GUCY1A2: variants seen among roughly 807,000 people sequenced by gnomAD.
GUCY1A2 encodes guanylate cyclase 1 soluble subunit alpha 2, also known as guanylate cyclase soluble subunit alpha-2.
A neutral mutation model predicts 63.5 loss-of-function variants in GUCY1A2; 27 were observed. The observed-to-expected ratio is 0.43, with a 90% CI of 0.31 to 0.59. GUCY1A2 has a LOEUF of 0.59. GUCY1A2 is among the 20% of genes least tolerant of loss of function. The probability of loss-of-function intolerance (pLI) is 0.11; values close to 1 mark genes in which losing one functional copy is unlikely to be tolerated. For missense variants in GUCY1A2, 768 were observed against 913.3 expected, an observed-to-expected ratio of 0.84 and a Z score of 2.05; for synonymous variants, 364 against 343.5, an observed-to-expected ratio of 1.06 and a Z score of -0.66.
At chr11:106,775,201 G>A (rs1255070419) in intron 6 of GUCY1A2, among the ~76,000 whole-genome samples, 1 of 152,054 alleles carries the variant, frequency 6.6e-6, no homozygotes, top group Non-Finnish European at 1.5e-5. Context: ...AAGTCAGGAA[G>A]AATTTTTTGT....
chr11:106,796,263 T>C (rs1435934656), intron 5 of GUCY1A2, among the ~76,000 whole-genome samples: 1 of 152,186 alleles, frequency 6.6e-6, no homozygotes, highest in East Asian at 1.9e-4. Flanking sequence ...CTTTATCCAA[T>C]TTGCCAGTCT....
At chr11:106,875,074 A>C (rs921596944) in intron 4 of GUCY1A2, among the ~76,000 whole-genome samples, 1 of 152,172 alleles carries the variant, frequency 6.6e-6, no homozygotes, top group African/African-American at 2.4e-5. Context: ...AAAAATATGA[A>C]AAGATTTATC....
At chr11:106,815,275 G>A (rs1858815981) in intron 4 of GUCY1A2, among the ~76,000 whole-genome samples, 1 of 151,900 alleles carries the variant, frequency 6.6e-6, no homozygotes, top group African/African-American at 2.4e-5. Flanking sequence ...AAGTTTTAGG[G>A]ATCTTTAGGA....
intron 7 of GUCY1A2, among the ~76,000 whole-genome samples, chr11:106,703,850 T>C (rs1420038065): frequency 6.6e-6 from 1 of 151,972 alleles, no homozygotes; most frequent in Non-Finnish European, 1.5e-5. Context: ...GATTACTTAG[T>C]AATCATATGT....
At chr11:106,765,826 T>C (rs1201338493) in intron 6 of GUCY1A2, among the ~76,000 whole-genome samples, 1 of 152,180 alleles carries the variant, frequency 6.6e-6, no homozygotes, top group Non-Finnish European at 1.5e-5. Flanking sequence ...GAGTCTGAAT[T>C]AATGAGGTTT....
rs368807075 is a variant in GUCY1A2, at chr11:106,841,058, C to A, written c.1207-30580G>T. Among the ~76,000 whole-genome samples, 14 of 151,990 alleles carry A rather than the reference C, an allele frequency of 9.2e-5. 1 individual carries two copies. The South Asian group carries it at 2.9e-3, about 31-fold the overall frequency. ...TGCTGTAGGATAAAGGACAATACCA[C>A]ACTCCCTTTACTTTCTGCTCCAGTT... On this transcript the variant is annotated intron_variant, in intron 4 of 7. Transcript: ENST00000526355.
intron 4 of GUCY1A2, among the ~76,000 whole-genome samples, chr11:106,899,965 A>C (rs1461496390): frequency 6.6e-6 from 1 of 151,892 alleles, no homozygotes. Flanking sequence ...AGGCGCCTGC[A>C]GTCCCAGCTA....
intron 5 of GUCY1A2, among the ~76,000 whole-genome samples, chr11:106,781,284 G>A (rs1864458790): frequency 1.3e-5 from 2 of 152,044 alleles, no homozygotes; most frequent in East Asian, 3.9e-4. Context: ...CACTGGGTAA[G>A]AATAAAGATG....
intron 4 of GUCY1A2, among the ~76,000 whole-genome samples, chr11:106,887,586 G>T (rs1433871449): frequency 6.6e-6 from 1 of 152,160 alleles, no homozygotes; most frequent in Admixed American, 6.5e-5. Context: ...AGCCACCAAA[G>T]CCCTGCTGAG....
chr11:106,938,204 A>G (rs1336477042), intron 4 of GUCY1A2, among the ~76,000 whole-genome samples: 1 of 152,120 alleles, frequency 6.6e-6, no homozygotes, highest in Non-Finnish European at 1.5e-5. Flanking sequence ...TCGGCCTCCC[A>G]AAGTGTTGGG....
At position 106,838,247 on chromosome 11, in the gene GUCY1A2, C is replaced by T. The variant is rs544913377; in HGVS notation, c.1207-27769G>A. Among the ~76,000 whole-genome samples, 3 of 152,066 alleles carry T rather than the reference C, an allele frequency of 2.0e-5. No homozygotes were observed. In the South Asian group the frequency reaches 6.2e-4, roughly 31 times the overall value. ...GTAGTATGTCTCCGTGCCTTACCCC[C>T]TTTCTAAACTGAAAGCTTTTTCAAA... On this transcript the variant is annotated intron_variant, in intron 4 of 7. Transcript: ENST00000526355.
intron 4 of GUCY1A2, among the ~76,000 whole-genome samples, chr11:106,852,356 G>C (rs1045119069): frequency 6.6e-6 from 1 of 152,006 alleles, no homozygotes; most frequent in Non-Finnish European, 1.5e-5. Flanking sequence ...TGTTGAATAA[G>C]AGTGGTGAAA....
Position 106,885,429 on chromosome 11 carries a change from T to A in GUCY1A2, c.1206+54031A>T, listed in dbSNP as rs1463607539. Among the ~76,000 whole-genome samples, 3 of 152,316 alleles carry A rather than the reference T, an allele frequency of 2.0e-5. No individual in the cohort carries two copies. In the East Asian group the frequency reaches 5.8e-4, roughly 29 times the overall value. On this transcript the variant is annotated intron_variant, in intron 4 of 7. Transcript: ENST00000526355. Reference sequence around the variant, plus strand: ...GCTCTGACCATGGCCAAGATACCACTGCTCAGGTGGGTGGGAAAAAATTCT... The same window carrying A: ...GCTCTGACCATGGCCAAGATACCACAGCTCAGGTGGGTGGGAAAAAATTCT...
At chr11:106,889,508 A>G (rs991145314) in intron 4 of GUCY1A2, among the ~76,000 whole-genome samples, 2 of 152,206 alleles carry the variant, frequency 1.3e-5, no homozygotes, top group Non-Finnish European at 2.9e-5. Context: ...GCTCACTTCC[A>G]CAGCAAGGAA....
intron 6 of GUCY1A2, among the ~76,000 whole-genome samples, chr11:106,721,628 T>C (rs556860012): frequency 5.5e-4 from 84 of 152,298 alleles, no homozygotes; most frequent in Admixed American, 2.5e-3. Context: ...GTTGGTTCTT[T>C]AACGTCAGCA....
intron 6 of GUCY1A2, among the ~76,000 whole-genome samples, chr11:106,710,566 A>T (rs1454567941): frequency 6.6e-6 from 1 of 151,108 alleles, no homozygotes; most frequent in African/African-American, 2.4e-5. Context: ...TAGAGACTTC[A>T]ACCCTTGAGA....
intron 1 of GUCY1A2, among the ~76,000 whole-genome samples, chr11:107,014,753 C>T (rs986200233): frequency 4.6e-5 from 7 of 152,120 alleles, no homozygotes; most frequent in African/African-American, 1.4e-4. Flanking sequence ...AGACATGCCA[C>T]GATGAGACAA....
In GUCY1A2 at chr11:106,681,493, A is replaced by G. The variant is rs1361914268; in HGVS notation, c.*6056T>C. The stretch of plus-strand genomic sequence containing the variant: ...TATAAATAATACACAAATCTCTTTG[A>G]CAGGAATAGAAATCATATTTTTATA... On this transcript the variant is annotated 3_prime_UTR_variant, in exon 8 of 8. Transcript: ENST00000526355. The G allele has an allele frequency of 9.1e-6, 2 of 220,268 alleles. No individual in the cohort carries two copies. Among genetic ancestry groups the G allele is most frequent in the Non-Finnish European group, 1.8e-5 (2 of 109,896 alleles). 13.6% of individuals were successfully genotyped at this position (220,268 alleles called of 1,614,324 possible). A position where few individuals can be genotyped will look rare whatever the true frequency, so the allele number is the denominator to read the frequency against.
intron 4 of GUCY1A2, among the ~76,000 whole-genome samples, chr11:106,910,417 C>A (rs2119862350): frequency 6.6e-6 from 1 of 152,034 alleles, no homozygotes; most frequent in African/African-American, 2.4e-5. Context: ...GCTCTAGGAA[C>A]ATTTTTTTGT....
Sources: allele counts gnomAD v4.1 joint callset (sites outside exome capture counted in the v4.1 genomes callset), GRCh38; gene constraint gnomAD v4.1.1; transcripts MANE v1.5; gene names NCBI Gene and HGNC (gene_info 2026-07-23, HGNC 2026-07-21).